Variants in THTPA observed in about 807,000 individuals in gnomAD.
THTPA encodes thiamine-triphosphatase.
THTPA carries 16 observed loss-of-function variants against 16.5 expected under a neutral mutation model. The ratio of observed to expected loss-of-function variants is 0.97; its 90% CI spans 0.66 to 1.47. The LOEUF (loss-of-function observed/expected upper bound fraction) is 1.47, where lower values mean the gene tolerates loss of function less well. Among genes scored for constraint, THTPA ranks in the 40% most tolerant of loss-of-function variants. The pLI is 0.00. For synonymous variants in THTPA, 110 were observed against 115.5 expected, an observed-to-expected ratio of 0.95 and a Z score of 0.30; for missense variants, 281 against 280.9, an observed-to-expected ratio of 1.00 and a Z score of 0.00.
the THTPA span, chr14:23,533,444 G>C: frequency 1.3e-6 from 2 of 1,532,920 alleles, no homozygotes; most frequent in Admixed American, 2.0e-5. The surrounding 1 kb of genome is among the most constrained non-coding windows in gnomAD (Gnocchi z 4.8). Flanking sequence ...AGTTCAGGGG[G>C]GCTAGTGGGG....
At chr14:23,548,785 C>T in the THTPA span, among the ~76,000 whole-genome samples, 1 of 152,216 alleles carries the variant, frequency 6.6e-6, no homozygotes, top group Non-Finnish European at 1.5e-5. Flanking sequence ...GCATTTCTCT[C>T]TTCTGGGGCT....
the THTPA span, chr14:23,534,961 G>T: frequency 6.5e-7 from 1 of 1,536,174 alleles, no homozygotes; most frequent in Non-Finnish European, 8.7e-7. This position sits in a 1 kb window ranked among gnomAD's most constrained non-coding sequence, Gnocchi z 4.5. Flanking sequence ...CACTAGGTAG[G>T]CCTCACCTCC....
At position 23,559,824 on chromosome 14, in the gene THTPA, G is replaced by A. The variant is rs773980552; in HGVS notation, c.*984G>A. ...CCGACTGGTGAAAGTGGTCGTAGGT[G>A]AGGCGCAGCTTTAGCCGCAGGGGGG... On this transcript the variant is annotated 3_prime_UTR_variant, in exon 2 of 2. Transcript: ENST00000288014. The A allele has an allele frequency of 5.0e-6, 8 of 1,614,158 alleles. No homozygotes were observed. The Admixed American group carries it at 1.2e-4, about 24-fold the overall frequency.
At chr14:23,552,923 T>C (rs1187739420), upstream of THTPA, among the ~76,000 whole-genome samples, 1 of 152,118 alleles carries the variant, frequency 6.6e-6, no homozygotes. Context: ...CTAATAATAA[T>C]TTTTAAGATT....
Position 23,559,731 on chromosome 14 carries a change from G to A in THTPA, c.*891G>A, listed in dbSNP as rs1346363826. 1 of 1,612,614 alleles carries A rather than the reference G, an allele frequency of 6.2e-7. No individual in the cohort carries two copies. Among genetic ancestry groups the A allele is most frequent in the Admixed American group, 1.7e-5 (1 of 59,900 alleles). ...GGGTTTGGGACACAGGAGAATTTCA[G>A]GCTGTGAGTGGAGACAGTTACTGCC... is the stretch of plus-strand genomic sequence containing the variant. On this transcript the variant is annotated 3_prime_UTR_variant, in exon 2 of 2. Coordinates refer to ENST00000288014, the MANE Select transcript of THTPA (RefSeq NM_024328.6).
the THTPA span, chr14:23,531,678 C>A: frequency 7.1e-7 from 1 of 1,417,240 alleles, no homozygotes; most frequent in South Asian, 1.5e-5. Context: ...GTGGTATAGC[C>A]CCAGCTCTGC....
At chr14:23,525,090 C>T in the THTPA span, 98 of 1,536,000 alleles carry the variant, frequency 6.4e-5, no homozygotes, top group Non-Finnish European at 7.8e-5. The surrounding 1 kb of genome is among the most constrained non-coding windows in gnomAD (Gnocchi z 5.9). Flanking sequence ...TTGGGGTAGG[C>T]GCTAGTCTCA....
At chr14:23,520,460 A>G in the THTPA span, among the ~76,000 whole-genome samples, 409 of 152,290 alleles carry the variant, frequency 2.7e-3, 2 homozygotes, top group African/African-American at 9.1e-3. This position sits in a 1 kb window ranked among gnomAD's most constrained non-coding sequence, Gnocchi z 8.7. Context: ...GAGATGAAAG[A>G]GAAGCAGATC....
chr14:23,535,398 A>G, the THTPA span: 17 of 1,414,350 alleles, frequency 1.2e-5, no homozygotes, highest in Non-Finnish European at 1.6e-5. The surrounding 1 kb of genome is among the most constrained non-coding windows in gnomAD (Gnocchi z 4.5). Context: ...AGGAGAGAGC[A>G]GTGCTGTGAG....
the THTPA span, chr14:23,531,392 C>T: frequency 7.2e-5 from 96 of 1,329,532 alleles, no homozygotes; most frequent in Admixed American, 1.7e-4. Context: ...CTTCGCCTTC[C>T]TTGTATCTCT....
At chr14:23,544,646 G>A in the THTPA span, among the ~76,000 whole-genome samples, 1 of 152,186 alleles carries the variant, frequency 6.6e-6, no homozygotes, top group African/African-American at 2.4e-5. Flanking sequence ...CCCGGCTGGC[G>A]CGGGCGTGTT....
chr14:23,522,582 G>C, the THTPA span: 1 of 1,528,044 alleles, frequency 6.5e-7, no homozygotes, highest in South Asian at 1.2e-5. Flanking sequence ...TAGGCCCCCT[G>C]TAGCTGGGGG....
At chr14:23,527,560 C>G in the THTPA span, 95 of 1,535,092 alleles carry the variant, frequency 6.2e-5, no homozygotes, top group Non-Finnish European at 8.1e-5. Flanking sequence ...CTGCACAGCC[C>G]TAATAAGGTC....
chr14:23,559,685 C>A lies in THTPA; in HGVS notation c.*845C>A. On this transcript the variant is annotated 3_prime_UTR_variant, in exon 2 of 2. Coordinates refer to ENST00000288014, the MANE Select transcript of THTPA (RefSeq NM_024328.6). The stretch of plus-strand genomic sequence containing the variant: ...TGCTGGTAGCCCTCAGGTGTAGGTT[C>A]GAAGCTGCTGGGGCCCCCTGGGGTT... 6.7e-7 allele frequency: 1 copy of A among 1,502,496 alleles called. No individual in the cohort carries two copies. The highest frequency in any genetic ancestry group is 9.2e-7 in the Non-Finnish European group (1 of 1,088,542). The allele number at this position is 1,502,496 out of a possible 1,614,324, so 93.1% of individuals were successfully genotyped here. A position where few individuals can be genotyped will look rare whatever the true frequency, so the allele number is the denominator to read the frequency against.
chr14:23,550,013 C>G, the THTPA span, among the ~76,000 whole-genome samples: 1 of 152,106 alleles, frequency 6.6e-6, no homozygotes, highest in African/African-American at 2.4e-5. Flanking sequence ...AGGGGTGAAG[C>G]AAAATGGGGA....
the THTPA span, chr14:23,525,672 G>C: frequency 6.5e-7 from 1 of 1,534,214 alleles, no homozygotes; most frequent in East Asian, 2.4e-5. This position sits in a 1 kb window ranked among gnomAD's most constrained non-coding sequence, Gnocchi z 5.9. Context: ...GGTGAGGAAG[G>C]CCCTGCCTCA....
At chr14:23,523,300 G>C in the THTPA span, 2 of 1,446,186 alleles carry the variant, frequency 1.4e-6, no homozygotes, top group East Asian at 5.0e-5. The surrounding 1 kb of genome is among the most constrained non-coding windows in gnomAD (Gnocchi z 4.1). Flanking sequence ...GGGCAGCCCC[G>C]AGGGGCATGG....
At chr14:23,553,280 G>A (rs1882106080), upstream of THTPA, among the ~76,000 whole-genome samples, 1 of 152,168 alleles carries the variant, frequency 6.6e-6, no homozygotes, top group Admixed American at 6.5e-5. Flanking sequence ...AGGTAACTGT[G>A]AGGCAGGCCA....
the THTPA span, chr14:23,533,020 G>T: frequency 6.5e-7 from 1 of 1,536,064 alleles, no homozygotes; most frequent in Non-Finnish European, 8.7e-7. This position sits in a 1 kb window ranked among gnomAD's most constrained non-coding sequence, Gnocchi z 4.8. Context: ...TGGGCAGGCT[G>T]TCAGATGAGG....
Sources: gnomAD v4.1 joint callset for allele counts (sites outside exome capture counted in the v4.1 genomes callset) on GRCh38, gnomAD v4.1.1 for gene constraint, Gnocchi (gnomAD v3.1) non-coding constraint, MANE v1.5 for transcripts, NCBI Gene and HGNC (gene_info 2026-07-23, HGNC 2026-07-21) for gene names.